C10orf67: variants seen among roughly 807,000 people sequenced by gnomAD.
C10orf67 encodes chromosome 10 open reading frame 67.
In C10orf67, 60 loss-of-function variants were observed where a neutral mutation model predicts 35.6. That is an observed-to-expected ratio of 1.68 (90% CI 1.37 to 2.09). C10orf67 has a LOEUF of 2.09. Ranked by LOEUF, C10orf67 falls within the 30% of genes most tolerant of loss-of-function variation. C10orf67 has a pLI of 0.00. For missense variants in C10orf67, 474 were observed against 330.2 expected (o/e 1.44, Z -3.38); for synonymous variants, 167 against 115.8 (o/e 1.44, Z -2.84).
intron 4 of C10orf67, among the ~76,000 whole-genome samples, chr10:23,306,530 G>GAAA (rs61468201): frequency 1.4e-4 from 8 of 56,206 alleles, no homozygotes; most frequent in Admixed American, 2.0e-4. Context: ...CTCCATCTCA[G>GAAA]AAAAAAAAAA....
intron 4 of C10orf67, among the ~76,000 whole-genome samples, chr10:23,311,977 G>A (rs1421197304): frequency 1.3e-5 from 2 of 152,078 alleles, no homozygotes; most frequent in African/African-American, 4.8e-5. Flanking sequence ...CTTCAAAGGC[G>A]ATATATCAAC....
intron 15 of C10orf67, among the ~76,000 whole-genome samples, chr10:23,222,770 T>A (rs1211999952): frequency 6.6e-6 from 1 of 152,150 alleles, no homozygotes; most frequent in Non-Finnish European, 1.5e-5. Flanking sequence ...AAATCTCAGC[T>A]GTAAAAAAAC....
intron 15 of C10orf67, among the ~76,000 whole-genome samples, chr10:23,215,316 C>G (rs1484665786): frequency 6.7e-6 from 1 of 148,212 alleles, no homozygotes; most frequent in Non-Finnish European, 1.5e-5. Flanking sequence ...TTTTTTGAGA[C>G]AGAGCCTCAC....
At chr10:23,243,618 C>T (rs548727946) in intron 12 of C10orf67, among the ~76,000 whole-genome samples, 79 of 150,358 alleles carry the variant, frequency 5.3e-4, no homozygotes, top group Middle Eastern at 6.8e-3. Context: ...ACCTGGGAGG[C>T]GGAGGTTGCG....
chr10:23,266,389 G>C lies in C10orf67; in HGVS notation c.1073C>G (p.Ser358Cys), dbSNP rs1842884062. The change falls in exon 10 of 16, where the codon TCC becomes TGC. Residue 358 changes from serine (S) to cysteine (C), a missense_variant. By Grantham distance (112) the Ser-to-Cys change is moderately radical (BLOSUM62 -1). Coordinates refer to ENST00000636213, the MANE Select transcript of C10orf67 (RefSeq NM_001371909.1). ...GCTGGGTGGAGACTTGGGCCATGGG[G>C]ACAAAGAGGCTTCTCTCCCCTTGGC... is the stretch of plus-strand genomic sequence containing the variant. ...RSAKGREASL[S>C]PWPKSPPSTT... The C allele has an allele frequency of 2.5e-6, 1 of 398,470 alleles. No individual in the cohort carries two copies. The highest frequency in any genetic ancestry group is 4.4e-5 in the Admixed American group (1 of 22,716). 24.7% of individuals were successfully genotyped at this position (398,470 alleles called of 1,614,324 possible). A position where few individuals can be genotyped will look rare whatever the true frequency, so the allele number is the denominator to read the frequency against.
chr10:23,304,939 C>A (rs1844218801), intron 4 of C10orf67, among the ~76,000 whole-genome samples: 1 of 152,196 alleles, frequency 6.6e-6, no homozygotes, highest in Admixed American at 6.5e-5. Context: ...AATAGGCCCA[C>A]TAACATGGTC....
Position 23,251,103 on chromosome 10 carries a change from A to AT in C10orf67, c.1201-413dup, listed in dbSNP as rs940207400. On this transcript the variant is annotated intron_variant, in intron 10 of 15. Coordinates refer to ENST00000636213, the MANE Select transcript of C10orf67 (RefSeq NM_001371909.1). Reference sequence around the variant, plus strand: ...CAGAACGAGACCCTGTCTCAAAAAAATTTTTTTTTCGAGAGAACAATGAGT... The same window carrying AT: ...CAGAACGAGACCCTGTCTCAAAAAAATTTTTTTTTTCGAGAGAACAATGAGT... 9.2e-5 allele frequency among the ~76,000 whole-genome samples: 14 copies of AT among 151,718 alleles called. No individual in the cohort carries two copies. The East Asian group carries it at 9.7e-4, about 11-fold the overall frequency.
At chr10:23,213,989 GA>G (rs970918860) in intron 15 of C10orf67, among the ~76,000 whole-genome samples, 9 of 150,880 alleles carry the variant, frequency 6.0e-5, no homozygotes, top group African/African-American at 2.2e-4. Flanking sequence ...TAAAAATATT[GA>G]AAAAAATGAA....
At chr10:23,224,653 C>G (rs1253248354) in intron 13 of C10orf67, among the ~76,000 whole-genome samples, 3 of 152,100 alleles carry the variant, frequency 2.0e-5, no homozygotes, top group African/African-American at 4.8e-5. Flanking sequence ...GAATGGCTAA[C>G]TAGAATAACT....
At chr10:23,228,570 A>G (rs1256880055) in intron 13 of C10orf67, among the ~76,000 whole-genome samples, 3 of 152,220 alleles carry the variant, frequency 2.0e-5, no homozygotes, top group Non-Finnish European at 4.4e-5. Flanking sequence ...AATGGCAACA[A>G]AAGCCAAAAT....
chr10:23,294,515 T>C (rs1843820433), intron 5 of C10orf67, among the ~76,000 whole-genome samples: 1 of 152,196 alleles, frequency 6.6e-6, no homozygotes, highest in South Asian at 2.1e-4. Context: ...GGTATGCAGC[T>C]GAGTCACATT....
rs555719736 is a variant in C10orf67 at position 23,285,477 on chromosome 10, C to T, written c.910-3399G>A. Among the ~76,000 whole-genome samples, 176 of 150,848 alleles carry T rather than the reference C, an allele frequency of 1.2e-3. 1 individual carries two copies. Among genetic ancestry groups the T allele is most frequent in the African/African-American group, 4.1e-3 (168 of 41,304 alleles). On this transcript the variant is annotated intron_variant, in intron 7 of 15. Transcript: ENST00000636213. ...TTTTATAGTAGCTGTGTTAAAAAGG[C>T]AACAGAAATAGGTAAAAGCAATTTT...
At chr10:23,239,683 G>C (rs1220496531) in intron 13 of C10orf67, 46 bp downstream of exon 13, 2 of 617,402 alleles carry the variant, frequency 3.2e-6, no homozygotes, top group Non-Finnish European at 6.3e-6. Context: ...AAACAGACAG[G>C]TATATTCAAA....
At chr10:23,213,754 CA>C (rs1191802402) in intron 15 of C10orf67, among the ~76,000 whole-genome samples, 1 of 151,784 alleles carries the variant, frequency 6.6e-6, no homozygotes, top group Non-Finnish European at 1.5e-5. Flanking sequence ...CGATAAAATA[CA>C]GAAAATGTTA....
intron 14 of C10orf67, 29 bp from the exon 15 acceptor site, chr10:23,223,687 T>C: frequency 1.4e-6 from 1 of 717,248 alleles, no homozygotes; most frequent in Non-Finnish European, 2.6e-6. Context: ...TTTTCATTAC[T>C]TAAGTTGAAT....
At chr10:23,211,836 C>T (rs2132087087) in intron 15 of C10orf67, among the ~76,000 whole-genome samples, 1 of 152,130 alleles carries the variant, frequency 6.6e-6, no homozygotes, top group East Asian at 1.9e-4. Context: ...ATTTAGGACT[C>T]CATATGGGCC....
intron 15 of C10orf67, among the ~76,000 whole-genome samples, chr10:23,213,150 C>T (rs117082032): frequency 6.6e-6 from 1 of 151,954 alleles, no homozygotes; most frequent in Admixed American, 6.6e-5. Context: ...ACTGGCATAG[C>T]TAAAGAGAGA....
chr10:23,233,192 CTGAG>C (rs766243782), intron 13 of C10orf67, among the ~76,000 whole-genome samples: 5 of 152,176 alleles, frequency 3.3e-5, no homozygotes, highest in Non-Finnish European at 5.9e-5. Flanking sequence ...AGAAACATGT[CTGAG>C]TTGAAGAAAA....
chr10:23,235,403 A>G (rs985808954), intron 13 of C10orf67, among the ~76,000 whole-genome samples: 9 of 152,222 alleles, frequency 5.9e-5, no homozygotes, highest in Non-Finnish European at 1.0e-4. Flanking sequence ...TAGACTGAGG[A>G]AAAAAATGTT....
Sources: allele counts gnomAD v4.1 joint callset (sites outside exome capture counted in the v4.1 genomes callset), GRCh38; gene constraint gnomAD v4.1.1; transcripts MANE v1.5; gene names NCBI Gene and HGNC (gene_info 2026-07-23, HGNC 2026-07-21).